The following DHX16 variants were observed in gnomAD, a reference collection of about 807,000 sequenced individuals.
DHX16 encodes the protein DEAH-box helicase 16.
Under a neutral mutation model 131.2 loss-of-function variants are expected in DHX16, and 81 were observed. The ratio of observed to expected loss-of-function variants is 0.62; its 90% CI spans 0.52 to 0.74. The LOEUF is 0.74. DHX16 is among the 30% of genes least tolerant of loss of function. The pLI, the probability that DHX16 is intolerant of heterozygous loss-of-function variation, is 0.00. For missense variants in DHX16, 980 were observed against 1,363.1 expected (o/e 0.72, Z 4.43); for synonymous variants, 440 against 520.2 (o/e 0.85, Z 2.10).
intron 9 of DHX16, chr6:30,661,748 T>C (rs1412216731): frequency 2.8e-6 from 2 of 717,520 alleles, no homozygotes; most frequent in African/African-American, 3.5e-5. Context: ...CAACTCTTTG[T>C]GCCTAACCCT....
chr6:30,657,726 CTTCT>C (rs1301373418), intron 12 of DHX16, among the ~76,000 whole-genome samples: 1 of 152,154 alleles, frequency 6.6e-6, no homozygotes, highest in Non-Finnish European at 1.5e-5. Context: ...CTGGCATACT[CTTCT>C]CCCAGATATC....
chr6:30,663,005 C>T lies in DHX16; in HGVS notation c.1334G>A (p.Gly445Asp). The T allele has an allele frequency of 6.2e-7, 1 of 1,613,218 alleles. No individual in the cohort carries two copies. ...YLFEEGYTNK[G>D]MKIACTQPRR... ...GGGTTGGGTGCAGGCAATCTTCATA[C>T]CCTTGTTTGTATAACCCTGAATGAC... Residue 445 changes from glycine to aspartate, a missense_variant, in exon 8 of 20, where the codon GGT (glycine) becomes GAT (aspartate). Physicochemically the swap from Gly to Asp is moderately conservative, Grantham distance 94. Around this residue, in one of 3 missense-constraint regions of DHX16, gnomAD observed 309 missense variants for 537.1 expected, o/e 0.58. Coordinates refer to ENST00000376442, the MANE Select transcript of DHX16 (RefSeq NM_003587.5).
In DHX16 at chr6:30,657,001, T is replaced by C. The variant is rs748616871; in HGVS notation, c.2099A>G (p.Tyr700Cys). The C allele has an allele frequency of 4.3e-6, 7 of 1,612,942 alleles. No individual in the cohort carries two copies. The African/African-American group carries it at 9.3e-5, about 22-fold the overall frequency. ...CGATTCCATGCCTGTGCGGGGGTTG[T>C]AGCTCTTCTGCTTACAGAACCCTGG... ...LDPGFCKQKS[Y>C]NPRTGMESLT... Residue 700 changes from tyrosine (Y) to cysteine (C), a missense_variant, in exon 13 of 20, where the codon TAC becomes TGC. By Grantham distance (194) the Tyr-to-Cys change is radical. This residue lies in a region of DHX16 where 309 missense variants were observed against 537.1 expected (regional missense o/e 0.58). Coordinates refer to ENST00000376442, the MANE Select transcript of DHX16 (RefSeq NM_003587.5).
At chr6:30,671,004 C>T (rs1769486908) in intron 2 of DHX16, 32 bp downstream of exon 2, 1 of 1,612,796 alleles carries the variant, frequency 6.2e-7, no homozygotes, top group Non-Finnish European at 8.5e-7. Context: ...CTTCAGCCTG[C>T]CCCATCCTCT....
chr6:30,664,697 G>T, intron 7 of DHX16, 104 bp downstream of exon 7: 1 of 1,031,526 alleles, frequency 9.7e-7, no homozygotes, highest in Non-Finnish European at 1.4e-6. Context: ...TAGTGGAAAA[G>T]ATAGGTAAGT....
rs1160396919 is a variant in DHX16, at chr6:30,671,074, C to G, written c.408G>C (p.Glu136Asp). Residue 136 changes from glutamate (E) to aspartate (D), a missense_variant, in exon 2 of 20, where the codon GAG becomes GAC. Physicochemically the swap from Glu to Asp is conservative, Grantham distance 45. This residue lies in a region of DHX16 where 457 missense variants were observed against 554.8 expected (regional missense o/e 0.82). Transcript: ENST00000376442. ...KHLRKKREEE[E>D]EEEASEKGKK... Reference sequence around the variant, plus strand: ...TCCCTTTCTCAGAAGCCTCTTCCTCCTCTTCTTCCTCACGCTTCTTCCTGA... The same window carrying G: ...TCCCTTTCTCAGAAGCCTCTTCCTCGTCTTCTTCCTCACGCTTCTTCCTGA... The G allele has an allele frequency of 6.2e-7, 1 of 1,613,014 alleles. No homozygotes were observed. Among genetic ancestry groups the G allele is most frequent in the African/African-American group, 1.3e-5 (1 of 74,924 alleles).
Position 30,665,688 on chromosome 6 carries a change from G to A in DHX16, c.712C>T (p.Arg238Trp). ...AGGTCCTCAAGCTTCTCTCGCTCCCGCTTAGCCAGGTACTCTCGGCGAGAT... is the reference window on the plus strand; with the variant it reads ...AGGTCCTCAAGCTTCTCTCGCTCCCACTTAGCCAGGTACTCTCGGCGAGAT... ...KKSRREYLAK[R>W]EREKLEDLEA... is the part of the protein sequence containing the mutation. The change falls in exon 5 of 20, where the codon CGG (arginine) becomes TGG (tryptophan). Residue 238 changes from arginine to tryptophan, a missense_variant. By Grantham distance (101) the Arg-to-Trp change is moderately radical. Transcript: ENST00000376442. This position sits in a 1 kb window ranked among gnomAD's most constrained non-coding sequence, Gnocchi z 4.8. 1.2e-6 allele frequency: 2 copies of A among 1,611,992 alleles called. No individual in the cohort carries two copies. The highest frequency in any genetic ancestry group is 2.2e-5 in the East Asian group (1 of 44,894).
Position 30,665,101 on chromosome 6 carries a change from A to C in DHX16, c.1095T>G (p.Phe365Leu). The C allele has an allele frequency of 6.2e-7, 1 of 1,613,974 alleles. No homozygotes were observed. The highest frequency in any genetic ancestry group is 1.1e-5 in the South Asian group (1 of 91,034). Residue 365 changes from phenylalanine to leucine, a missense_variant, in exon 6 of 20, where the codon TTT (phenylalanine) becomes TTG (leucine). This residue lies in a region of DHX16 where 457 missense variants were observed against 554.8 expected (regional missense o/e 0.82). Transcript: ENST00000376442. This position sits in a 1 kb window ranked among gnomAD's most constrained non-coding sequence, Gnocchi z 4.8. ...CACCCTGGAGCTGAGTGGCCCGGAC[A>C]AACTCAATGGTCTCCTCCTCCTCCA... ...LVLEEEETIE[F>L]VRATQLQGDE...
At position 30,655,186 on chromosome 6, in the gene DHX16, G is replaced by A. The variant is rs370234964; in HGVS notation, c.2812C>T (p.Arg938Cys). ...GLSSCQGDYI[R>C]VRKAITAGYF... ...GAAGAAATGCTGACCTTGCGTACAC[G>A]GATATAGTCCCCCTGGCAGGAACTG... Residue 938 changes from arginine (R) to cysteine (C), a missense_variant, in exon 18 of 20, where the codon CGT (arginine) becomes TGT (cysteine). Physicochemically the swap from Arg to Cys is radical, Grantham distance 180. This residue lies in a region of DHX16 where 214 missense variants were observed against 271.2 expected (regional missense o/e 0.79). Coordinates refer to ENST00000376442, the MANE Select transcript of DHX16 (RefSeq NM_003587.5). 1.6e-5 allele frequency: 26 copies of A among 1,614,008 alleles called. No homozygotes were observed. Among genetic ancestry groups the A allele is most frequent in the African/African-American group, 1.5e-4 (11 of 74,882 alleles).
In DHX16 at chr6:30,656,942, C is replaced by G. The variant is rs1768038261; in HGVS notation, c.2148+10G>C. 1 of 1,610,006 alleles carries G rather than the reference C, an allele frequency of 6.2e-7. No individual in the cohort carries two copies. Among genetic ancestry groups the G allele is most frequent in the South Asian group, 1.1e-5 (1 of 90,642 alleles). Reference sequence around the variant, plus strand: ...CCACCTCCCCCACTCCCATGCATCCCCAGGCTGACCTTGCTGCAGGGTGTG... The same window carrying G: ...CCACCTCCCCCACTCCCATGCATCCGCAGGCTGACCTTGCTGCAGGGTGTG... On this transcript the variant is annotated intron_variant, in intron 13 of 19. Coordinates refer to ENST00000376442, the MANE Select transcript of DHX16 (RefSeq NM_003587.5). The surrounding 1 kb of genome is among the most constrained non-coding windows in gnomAD (Gnocchi z 5.1).
Position 30,669,744 on chromosome 6 carries a change from T to TAAA in DHX16, c.666+663_666+665dup, listed in dbSNP as rs953317689. On this transcript the variant is annotated intron_variant, in intron 4 of 19. Transcript: ENST00000376442. ...CGTTTCAAAAAAAAGAAAAAAGGTT[T>TAAA]AAAAAAAAAAAAAAAAAAAAAAAGG... Among the ~76,000 whole-genome samples, 383 of 113,792 alleles carry TAAA rather than the reference T, an allele frequency of 3.4e-3. 3 individuals are homozygous for TAAA. Among genetic ancestry groups the TAAA allele is most frequent in the Non-Finnish European group, 5.3e-3 (299 of 56,814 alleles). 74.7% of individuals were successfully genotyped at this position (113,792 alleles called of 152,430 possible). A position where few individuals can be genotyped will look rare whatever the true frequency, so the allele number is the denominator to read the frequency against.
intron 19 of DHX16, 71 bp downstream of exon 19, chr6:30,654,635 G>A: frequency 6.9e-7 from 1 of 1,455,198 alleles, no homozygotes; most frequent in Non-Finnish European, 9.3e-7. Context: ...TTGAACCTGG[G>A]TTCTTAGCTT....
Position 30,656,785 on chromosome 6 carries a change from C to G in DHX16, c.2149-26G>C. On this transcript the variant is annotated intron_variant, in intron 13 of 19. Coordinates refer to ENST00000376442, the MANE Select transcript of DHX16 (RefSeq NM_003587.5). The surrounding 1 kb of genome is among the most constrained non-coding windows in gnomAD (Gnocchi z 5.1). ...CTGGAAAGAAAGGGGAACAGGCTGG[C>G]TGACAATTTGGTCAGGGAAAAGAAA... is the stretch of plus-strand genomic sequence containing the variant. 1 of 1,610,330 alleles carries G rather than the reference C, an allele frequency of 6.2e-7. No homozygotes were observed. Among genetic ancestry groups the G allele is most frequent in the Middle Eastern group, 1.7e-4 (1 of 6,056 alleles).
At chr6:30,669,902 C>T (rs1322534023) in intron 4 of DHX16, among the ~76,000 whole-genome samples, 1 of 152,122 alleles carries the variant, frequency 6.6e-6, no homozygotes, top group Non-Finnish European at 1.5e-5. Flanking sequence ...TTATGAATTA[C>T]AAGGGCTCTG....
rs1768569789 is a variant in DHX16, at chr6:30,662,082, A to G, written c.1544+545T>C. The G allele has an allele frequency of 5.4e-6, 3 of 560,482 alleles. No individual in the cohort carries two copies. The highest frequency in any genetic ancestry group is 4.0e-5 in the South Asian group (2 of 49,402). The allele number at this position is 560,482 out of a possible 1,614,324, so 34.7% of individuals were successfully genotyped here. On this transcript the variant is annotated intron_variant, in intron 9 of 19. Coordinates refer to ENST00000376442, the MANE Select transcript of DHX16 (RefSeq NM_003587.5). This position sits in a 1 kb window ranked among gnomAD's most constrained non-coding sequence, Gnocchi z 4.7. The stretch of plus-strand genomic sequence containing the variant: ...TGGCCATTTCCAGCACTAAGAGCTC[A>G]TTATTCACAGACCAAGCTACCCAAG...
At chr6:30,663,316 C>T (rs1312647823) in intron 7 of DHX16, among the ~76,000 whole-genome samples, 1 of 152,124 alleles carries the variant, frequency 6.6e-6, no homozygotes, top group Non-Finnish European at 1.5e-5. Flanking sequence ...AGGCTGGGCA[C>T]AGTGGCTCAT....
chr6:30,664,987 C>T lies in DHX16; in HGVS notation c.1131G>A (p.Pro377=), dbSNP rs35041809. 349 of 1,613,864 alleles carry T rather than the reference C, an allele frequency of 2.2e-4. 2 individuals are homozygous for T. In the African/African-American group the frequency reaches 4.3e-3, roughly 20 times the overall value. The change falls in exon 7 of 20, where the codon CCG becomes CCA. Residue 377 remains proline (P), a synonymous_variant. Coordinates refer to ENST00000376442, the MANE Select transcript of DHX16 (RefSeq NM_003587.5). The part of the protein sequence containing the change: ...RATQLQGDEE[P]SAPPTSTQAQ... The stretch of plus-strand genomic sequence containing the variant: ...CCTGAGTTGAAGTGGGTGGAGCTGA[C>T]GGCTCCTAAGGAAAGAGAAGGAGGT...
intron 4 of DHX16, among the ~76,000 whole-genome samples, chr6:30,667,118 G>A (rs2127592094): frequency 6.6e-6 from 1 of 152,286 alleles, no homozygotes; most frequent in South Asian, 2.1e-4. Flanking sequence ...TCTGTCACCA[G>A]TGAAATGACT....
rs1250499317 is a variant in DHX16, at chr6:30,670,638, A to G, written c.609+152T>C. 4 of 1,230,570 alleles carry G rather than the reference A, an allele frequency of 3.3e-6. No individual in the cohort carries two copies. Among genetic ancestry groups the G allele is most frequent in the Non-Finnish European group, 4.6e-6 (4 of 876,964 alleles). 76.2% of individuals were successfully genotyped at this position (1,230,570 alleles called of 1,614,324 possible). On this transcript the variant is annotated intron_variant, in intron 3 of 19. Coordinates refer to ENST00000376442, the MANE Select transcript of DHX16 (RefSeq NM_003587.5). This position sits in a 1 kb window ranked among gnomAD's most constrained non-coding sequence, Gnocchi z 4.4. Reference sequence around the variant, plus strand: ...TACAGCAGACAGTTGTCTTAGCCACAGGATGCACAGGGCTTCTCTCACCAC... The same window carrying G: ...TACAGCAGACAGTTGTCTTAGCCACGGGATGCACAGGGCTTCTCTCACCAC...
Sources: gnomAD v4.1 joint callset for allele counts (sites outside exome capture counted in the v4.1 genomes callset) on GRCh38, gnomAD v4.1.1 for gene constraint, gnomAD v4.1.1 regional missense constraint, Gnocchi (gnomAD v3.1) non-coding constraint, MANE v1.5 for transcripts, NCBI Gene and HGNC (gene_info 2026-07-23, HGNC 2026-07-21) for gene names.